RGS7: variants seen among roughly 807,000 people sequenced by gnomAD.
RGS7 encodes regulator of G-protein signaling 7.
RGS7 carries 27 observed loss-of-function variants against 81.1 expected under a neutral mutation model. That is an observed-to-expected ratio of 0.33 (90% CI 0.25 to 0.46). The LOEUF (loss-of-function observed/expected upper bound fraction) is 0.46, where lower values mean the gene tolerates loss of function less well. Ranked by LOEUF, RGS7 falls within the 20% of genes least tolerant of loss-of-function variation. The probability of loss-of-function intolerance (pLI) is 1.00; values close to 1 mark genes in which losing one functional copy is unlikely to be tolerated. For missense variants in RGS7, 396 were observed against 607.4 expected, an observed-to-expected ratio of 0.65 and a Z score of 3.66; for synonymous variants, 208 against 207.7, an observed-to-expected ratio of 1.00 and a Z score of -0.01.
chr1:241,288,899 C>T (rs2078955212), intron 2 of RGS7, among the ~76,000 whole-genome samples: 2 of 151,972 alleles, frequency 1.3e-5, no homozygotes, highest in Non-Finnish European at 2.9e-5. Context: ...GGAACTAAGC[C>T]TTCCTGGAAC....
chr1:241,081,752 G>GAT (rs2063146320), intron 3 of RGS7, among the ~76,000 whole-genome samples: 1 of 152,182 alleles, frequency 6.6e-6, no homozygotes, highest in African/African-American at 2.4e-5. Flanking sequence ...TAGGCACAGT[G>GAT]ATATATGTTG....
Position 240,827,136 on chromosome 1 carries a change from T to C in RGS7, c.646A>G (p.Lys216Glu). 6.2e-7 allele frequency: 1 copy of C among 1,613,974 alleles called. No individual in the cohort carries two copies. The highest frequency in any genetic ancestry group is 1.1e-5 in the South Asian group (1 of 91,074). The change falls in exon 10 of 19, where the codon AAG (lysine) becomes GAG (glutamate). Residue 216 changes from lysine (K) to glutamate (E), a missense_variant. Lys to Glu is a moderately conservative substitution (Grantham distance 56). Transcript: ENST00000440928. ...CVNTTEVDIK[K>E]SSRMRNPHKT... Reference sequence around the variant, plus strand: ...TGGGGGTTTCTCATTCTGGATGACTTCTTAATGTCCACTTCAGTTGTATTT... The same window carrying C: ...TGGGGGTTTCTCATTCTGGATGACTCCTTAATGTCCACTTCAGTTGTATTT...
intron 2 of RGS7, among the ~76,000 whole-genome samples, chr1:241,268,390 G>T (rs2077701382): frequency 2.0e-5 from 3 of 152,186 alleles, no homozygotes; most frequent in Admixed American, 2.0e-4. Context: ...AGGACGTTTA[G>T]CAGATCTCTG....
At chr1:240,987,727 G>A (rs991748) in intron 3 of RGS7, among the ~76,000 whole-genome samples, 54,286 of 151,158 alleles carry the variant, frequency 0.36, 11,453 homozygotes, top group East Asian at 0.59. Context: ...ATGGGGTCTC[G>A]CTATGTTGCC....
At chr1:240,845,051 T>C (rs1429607778) in intron 9 of RGS7, among the ~76,000 whole-genome samples, 1 of 152,246 alleles carries the variant, frequency 6.6e-6, no homozygotes, top group Non-Finnish European at 1.5e-5. Flanking sequence ...AGGGTTCTCC[T>C]ACAGCTTAAG....
intron 2 of RGS7, among the ~76,000 whole-genome samples, chr1:241,317,670 T>G (rs546083740): frequency 1.9e-4 from 29 of 152,182 alleles, no homozygotes; most frequent in Non-Finnish European, 2.9e-5. Context: ...AGTGGTTATC[T>G]GCACATCAAA....
chr1:241,124,996 A>C (rs1466685432), intron 2 of RGS7, among the ~76,000 whole-genome samples: 2 of 152,190 alleles, frequency 1.3e-5, no homozygotes, highest in Non-Finnish European at 2.9e-5. Flanking sequence ...TAGGCAGAAA[A>C]TACTACTTGG....
chr1:241,050,066 G>C (rs551542771), intron 3 of RGS7, among the ~76,000 whole-genome samples: 1 of 152,248 alleles, frequency 6.6e-6, no homozygotes, highest in South Asian at 2.1e-4. Context: ...GTTCTACATA[G>C]CTAAGGGGCT....
chr1:240,917,421 C>A (rs1476871032), intron 6 of RGS7, among the ~76,000 whole-genome samples: 1 of 152,014 alleles, frequency 6.6e-6, no homozygotes. Flanking sequence ...AGCAACAATG[C>A]AATTGGTGGT....
At chr1:240,788,726 T>C (rs902300631) in intron 18 of RGS7, among the ~76,000 whole-genome samples, 2 of 152,208 alleles carry the variant, frequency 1.3e-5, no homozygotes, top group Non-Finnish European at 2.9e-5. Context: ...TTGTAACCAA[T>C]GCGGAGCAGA....
At chr1:241,064,183 C>T (rs917107975) in intron 3 of RGS7, among the ~76,000 whole-genome samples, 1 of 78,178 alleles carries the variant, frequency 1.3e-5, no homozygotes, top group Non-Finnish European at 2.5e-5. Context: ...AACTCAGTTT[C>T]AAAAAAAAAA....
At chr1:240,989,221 T>C (rs1163338753) in intron 3 of RGS7, among the ~76,000 whole-genome samples, 2 of 151,198 alleles carry the variant, frequency 1.3e-5, no homozygotes, top group Non-Finnish European at 2.9e-5. Context: ...AGGTGGATCA[T>C]GAGGTCAGGA....
rs1393514996 is a variant in RGS7, at chr1:241,136,872, A to G, written c.79-38110T>C. Among the ~76,000 whole-genome samples, 7 of 152,146 alleles carry G rather than the reference A, an allele frequency of 4.6e-5. 1 individual carries two copies. ...TTGCATTAAAAAATGTGTAATTTTC[A>G]TATGTTAGAGCTAGAAGGGCACCAA... On this transcript the variant is annotated intron_variant, in intron 2 of 18. Transcript: ENST00000440928.
At chr1:241,296,488 T>A (rs185838917) in intron 2 of RGS7, among the ~76,000 whole-genome samples, 41 of 152,362 alleles carry the variant, frequency 2.7e-4, no homozygotes, top group African/African-American at 9.6e-4. Flanking sequence ...AATCAACATG[T>A]CCAATGTCAT....
At chr1:240,783,068 A>G (rs1199960348) in intron 18 of RGS7, among the ~76,000 whole-genome samples, 1 of 152,216 alleles carries the variant, frequency 6.6e-6, no homozygotes, top group Non-Finnish European at 1.5e-5. Flanking sequence ...AATAAACCTG[A>G]GACTTCAGCT....
intron 6 of RGS7, among the ~76,000 whole-genome samples, chr1:240,906,799 A>G (rs1268940840): frequency 1.3e-5 from 2 of 152,186 alleles, no homozygotes; most frequent in African/African-American, 4.8e-5. Flanking sequence ...CCTCAAACCT[A>G]GCAAAAAAGC....
chr1:241,349,138 A>AT (rs1558347361), intron 2 of RGS7, among the ~76,000 whole-genome samples: 4 of 152,302 alleles, frequency 2.6e-5, no homozygotes, highest in Admixed American at 2.0e-4. Flanking sequence ...ACATTAAAAC[A>AT]TTTTTTATTT....
At chr1:241,204,704 CAA>C (rs943721285) in intron 2 of RGS7, among the ~76,000 whole-genome samples, 10 of 131,380 alleles carry the variant, frequency 7.6e-5, no homozygotes, top group Admixed American at 1.5e-4. Flanking sequence ...TTATTTTCTG[CAA>C]AAAAAAAAAA....
chr1:241,296,484 C>T (rs989662959), intron 2 of RGS7, among the ~76,000 whole-genome samples: 7 of 152,220 alleles, frequency 4.6e-5, no homozygotes, highest in African/African-American at 1.7e-4. Flanking sequence ...ATAAAATCAA[C>T]ATGTCCAATG....
Sources: gnomAD v4.1 joint callset for allele counts (sites outside exome capture counted in the v4.1 genomes callset) on GRCh38, gnomAD v4.1.1 for gene constraint, MANE v1.5 for transcripts, NCBI Gene and HGNC (gene_info 2026-07-23, HGNC 2026-07-21) for gene names.